WWOX: variants seen among roughly 807,000 people sequenced by gnomAD.
The protein encoded by WWOX is WW domain containing oxidoreductase.
In WWOX, 69 loss-of-function variants were observed where a neutral mutation model predicts 46.2. The observed-to-expected ratio is 1.49, with a 90% CI of 1.23 to 1.82. The LOEUF (loss-of-function observed/expected upper bound fraction) is 1.82, where lower values mean the gene tolerates loss of function less well. Ranked by LOEUF, WWOX falls within the 40% of genes most tolerant of loss-of-function variation. The pLI is 0.00. For synonymous variants in WWOX, 359 were observed against 202.6 expected (o/e 1.77, Z -6.56); for missense variants, 919 against 542.6 (o/e 1.69, Z -6.89).
chr16:78,422,092 C>T (rs749399461), intron 6 of WWOX, among the ~76,000 whole-genome samples: 1 of 152,200 alleles, frequency 6.6e-6, no homozygotes, highest in East Asian at 1.9e-4. Context: ...TATTTGTAAT[C>T]TACCTTTATA....
intron 8 of WWOX, among the ~76,000 whole-genome samples, chr16:79,207,209 C>A (rs1213352848): frequency 6.6e-6 from 1 of 152,210 alleles, no homozygotes; most frequent in African/African-American, 2.4e-5. Flanking sequence ...GATTCTGTTC[C>A]TAGTGGTGTA....
At chr16:78,797,964 G>A (rs962125629) in intron 8 of WWOX, among the ~76,000 whole-genome samples, 3 of 152,112 alleles carry the variant, frequency 2.0e-5, no homozygotes, top group Non-Finnish European at 4.4e-5. Flanking sequence ...CTCAACCCTG[G>A]GTGACAGGGT....
At chr16:78,260,720 C>T (rs1475588782) in intron 5 of WWOX, among the ~76,000 whole-genome samples, 1 of 150,180 alleles carries the variant, frequency 6.7e-6, no homozygotes, top group African/African-American at 2.5e-5. Context: ...AGGTGGATCA[C>T]TTGAGGTCAG....
At chr16:78,916,446 A>G (rs780847699) in intron 8 of WWOX, among the ~76,000 whole-genome samples, 62 of 152,234 alleles carry the variant, frequency 4.1e-4, no homozygotes, top group Non-Finnish European at 7.5e-4. Context: ...ATTAGCCACA[A>G]TTATCGCTAA....
chr16:79,066,650 A>G (rs1433464159), intron 8 of WWOX, among the ~76,000 whole-genome samples: 1 of 152,240 alleles, frequency 6.6e-6, no homozygotes, highest in Non-Finnish European at 1.5e-5. Context: ...TTAAGCAAGC[A>G]TTCAGGTGCC....
chr16:78,563,766 T>A (rs2044496874), intron 8 of WWOX, among the ~76,000 whole-genome samples: 1 of 152,128 alleles, frequency 6.6e-6, no homozygotes, highest in African/African-American at 2.4e-5. Context: ...ATAATTAATA[T>A]CTATGGTTGA....
rs8058477 is a variant in WWOX, at chr16:78,986,880, T to G, written c.1057-224728T>G. 1.9e-3 allele frequency among the ~76,000 whole-genome samples: 290 copies of G among 152,258 alleles called. 1 individual carries two copies. Among genetic ancestry groups the G allele is most frequent in the African/African-American group, 6.7e-3 (277 of 41,554 alleles). ...TATGCTTGACTTGGGAGTTTCAGGATGCGCAAGAGACTCCTTTTGACTGCA... is the reference window on the plus strand; with the variant it reads ...TATGCTTGACTTGGGAGTTTCAGGAGGCGCAAGAGACTCCTTTTGACTGCA... On this transcript the variant is annotated intron_variant, in intron 8 of 8. Transcript: ENST00000566780.
intron 1 of WWOX, chr16:78,100,252 GTGTTT>G (rs564390630): frequency 9.9e-6 from 11 of 1,116,530 alleles, no homozygotes; most frequent in South Asian, 7.0e-5. Context: ...GAGTTTTGTT[GTGTTT>G]TGTTTTGTTT....
rs1167678202 is a variant in WWOX at position 78,720,841 on chromosome 16, A to G, written c.1056+288089A>G. Among the ~76,000 whole-genome samples the G allele has an allele frequency of 2.6e-5, 4 of 152,136 alleles. No individual in the cohort carries two copies. In the South Asian group the frequency reaches 8.3e-4, roughly 31 times the overall value. ...CATTAGATACTTTCTTGGGGAGAGA[A>G]GAAATTAGACAGGAGCTACAAAGAT... On this transcript the variant is annotated intron_variant, in intron 8 of 8. Transcript: ENST00000566780.
intron 8 of WWOX, among the ~76,000 whole-genome samples, chr16:78,433,557 CA>C (rs1487326277): frequency 1.3e-5 from 2 of 152,130 alleles, no homozygotes; most frequent in Non-Finnish European, 2.9e-5. Flanking sequence ...ATCTACTTGA[CA>C]GAAATCACCC....
At chr16:78,591,222 C>A (rs1698403042) in intron 8 of WWOX, among the ~76,000 whole-genome samples, 1 of 152,190 alleles carries the variant, frequency 6.6e-6, no homozygotes, top group African/African-American at 2.4e-5. Context: ...GAGAACAAAG[C>A]ACCTTCTCTT....
At chr16:78,356,739 G>A (rs891063190) in intron 5 of WWOX, among the ~76,000 whole-genome samples, 4 of 152,046 alleles carry the variant, frequency 2.6e-5, no homozygotes, top group Admixed American at 2.0e-4. Flanking sequence ...AAAATTAGCC[G>A]GGCATAGTGG....
intron 4 of WWOX, among the ~76,000 whole-genome samples, chr16:78,140,465 T>C (rs957299567): frequency 2.6e-5 from 4 of 152,278 alleles, no homozygotes; most frequent in Admixed American, 2.6e-4. Flanking sequence ...GCTAGAAGTC[T>C]GAAATCAAGG....
chr16:78,477,128 A>G (rs180725434), intron 8 of WWOX, among the ~76,000 whole-genome samples: 3 of 152,226 alleles, frequency 2.0e-5, no homozygotes, highest in Admixed American at 6.5e-5. Flanking sequence ...TAGATATTCC[A>G]TAGCACGTCT....
chr16:78,426,841 T>C (rs893997236), intron 7 of WWOX, among the ~76,000 whole-genome samples: 2 of 152,134 alleles, frequency 1.3e-5, no homozygotes, highest in Admixed American at 1.3e-4. Flanking sequence ...TTTTTGTATT[T>C]TTAGTAGAGA....
At chr16:78,485,691 T>G (rs1045556727) in intron 8 of WWOX, among the ~76,000 whole-genome samples, 2 of 152,166 alleles carry the variant, frequency 1.3e-5, no homozygotes, top group African/African-American at 4.8e-5. Flanking sequence ...TGCTTCTGAT[T>G]TGGGGCAGCA....
intron 8 of WWOX, among the ~76,000 whole-genome samples, chr16:78,648,302 C>T (rs1463726125): frequency 6.6e-6 from 1 of 152,174 alleles, no homozygotes; most frequent in Non-Finnish European, 1.5e-5. Flanking sequence ...GAATGCGAGG[C>T]CCTTGTTGTA....
chr16:78,551,751 C>T (rs1165169554), intron 8 of WWOX: 3 of 150,786 alleles, frequency 2.0e-5, no homozygotes, highest in Non-Finnish European at 4.4e-5. Flanking sequence ...CAGACTTTGT[C>T]TTCCTCCATC....
intron 8 of WWOX, among the ~76,000 whole-genome samples, chr16:79,091,131 G>A (rs1204369739): frequency 6.6e-6 from 1 of 152,132 alleles, no homozygotes; most frequent in Non-Finnish European, 1.5e-5. Context: ...GGAGGCTCTC[G>A]AGGTTTTATT....
Sources: allele counts gnomAD v4.1 joint callset (sites outside exome capture counted in the v4.1 genomes callset), GRCh38; gene constraint gnomAD v4.1.1; transcripts MANE v1.5; gene names NCBI Gene and HGNC (gene_info 2026-07-23, HGNC 2026-07-21).